BLK: variants seen among roughly 807,000 people sequenced by gnomAD.
The protein encoded by BLK is tyrosine-protein kinase Blk.
In BLK, 64 loss-of-function variants were observed where a neutral mutation model predicts 61.8. The ratio of observed to expected loss-of-function variants is 1.03; its 90% CI spans 0.85 to 1.27. The LOEUF (loss-of-function observed/expected upper bound fraction) is 1.27, where lower values mean the gene tolerates loss of function less well. Ranked by LOEUF, BLK falls within the 50% of genes most tolerant of loss-of-function variation. The pLI is 0.00. For missense variants in BLK, 853 were observed against 660.5 expected (o/e 1.29, Z -3.19); for synonymous variants, 351 against 272.0 (o/e 1.29, Z -2.86).
At chr8:11,530,897 C>G (rs970905098) in intron 1 of BLK, among the ~76,000 whole-genome samples, 7 of 152,220 alleles carry the variant, frequency 4.6e-5, no homozygotes, top group African/African-American at 1.7e-4. Flanking sequence ...AGTGAAATAT[C>G]TGGGTCACAG....
intron 1 of BLK, among the ~76,000 whole-genome samples, chr8:11,520,492 AAAAAAAAAAAGG>A (rs1799403893): frequency 6.7e-6 from 1 of 150,246 alleles, no homozygotes; most frequent in Non-Finnish European, 1.5e-5. Flanking sequence ...AAAAAAAAAA[AAAAAAAAAAAGG>A]AAGAAAGAAA....
At chr8:11,545,443 G>C (rs1305972728) in intron 2 of BLK, among the ~76,000 whole-genome samples, 1 of 152,172 alleles carries the variant, frequency 6.6e-6, no homozygotes, top group Non-Finnish European at 1.5e-5. Context: ...CAGCTACTTG[G>C]GAGGCTGAGG....
chr8:11,558,087 GC>G, intron 10 of BLK, 49 bp downstream of exon 10: 1 of 1,580,600 alleles, frequency 6.3e-7, no homozygotes, highest in South Asian at 1.1e-5. Flanking sequence ...GCCACCTGCT[GC>G]CCACAATGGC....
intron 9 of BLK, 91 bp from the exon 10 acceptor site, chr8:11,557,871 C>A: frequency 1.7e-6 from 2 of 1,154,250 alleles, no homozygotes; most frequent in Non-Finnish European, 1.3e-6. Flanking sequence ...ACTTCCCGCG[C>A]CCATGGGGAG....
At chr8:11,507,283 G>T (rs1306181763) in intron 1 of BLK, among the ~76,000 whole-genome samples, 2 of 152,230 alleles carry the variant, frequency 1.3e-5, no homozygotes, top group African/African-American at 4.8e-5. Flanking sequence ...GATGGACTAG[G>T]ATTGTAAAAG....
intron 1 of BLK, among the ~76,000 whole-genome samples, chr8:11,496,828 C>T (rs943865100): frequency 1.5e-4 from 23 of 152,096 alleles, no homozygotes; most frequent in Non-Finnish European, 1.6e-4. Context: ...GAGCTGGGCT[C>T]GACAGCCCTT....
chr8:11,563,049 C>T lies in BLK; in HGVS notation c.1251C>T (p.Asp417=), dbSNP rs772407720. The T allele has an allele frequency of 1.4e-5, 23 of 1,614,046 alleles. No homozygotes were observed. Among genetic ancestry groups the T allele is most frequent in the South Asian group, 8.8e-5 (8 of 91,092 alleles). The change falls in exon 12 of 13, where the codon GAC becomes GAT. Residue 417 remains aspartate, a synonymous_variant. Transcript: ENST00000259089. Reference sequence around the variant, plus strand: ...TCGGGGTCTTCACCATCAAAGCAGACGTGTGGTCGTTTGGAGTCCTCCTGA... The same window carrying T: ...TCGGGGTCTTCACCATCAAAGCAGATGTGTGGTCGTTTGGAGTCCTCCTGA... ...IHFGVFTIKA[D]VWSFGVLLME...
At chr8:11,556,540 C>T in intron 8 of BLK, 118 bp from the exon 9 acceptor site, 1 of 1,268,364 alleles carries the variant, frequency 7.9e-7, no homozygotes, top group Non-Finnish European at 1.1e-6. Flanking sequence ...ACTGCATGTT[C>T]CAGCTCTGGC....
In BLK at chr8:11,548,130, G is replaced by C. The variant is rs372425967; in HGVS notation, c.269+5G>C. ...GAAGCTACAGGTCCTGAAGGGGTGA[G>C]GTTCCAGGACACCATCCCCTGTCCC... is the stretch of plus-strand genomic sequence containing the variant. On this transcript the variant is annotated splice_donor_5th_base_variant and intron_variant, in intron 4 of 12. Transcript: ENST00000259089. The C allele has an allele frequency of 1.2e-6, 2 of 1,610,808 alleles. No homozygotes were observed. The highest frequency in any genetic ancestry group is 8.5e-7 in the Non-Finnish European group (1 of 1,178,150).
At chr8:11,541,876 T>A (rs1024459361) in intron 1 of BLK, among the ~76,000 whole-genome samples, 1 of 152,258 alleles carries the variant, frequency 6.6e-6, no homozygotes, top group African/African-American at 2.4e-5. Context: ...CCTGGCACTA[T>A]AATTCACTTA....
At chr8:11,504,194 CGA>C (rs1563420427) in intron 1 of BLK, among the ~76,000 whole-genome samples, 1 of 151,868 alleles carries the variant, frequency 6.6e-6, no homozygotes, top group East Asian at 1.9e-4. Flanking sequence ...TGGTGGTGTG[CGA>C]CTGTAATCCC....
chr8:11,520,056 C>T (rs1190363626), intron 1 of BLK, among the ~76,000 whole-genome samples: 3 of 152,102 alleles, frequency 2.0e-5, no homozygotes, highest in African/African-American at 7.2e-5. Context: ...CACACACAAA[C>T]CACAGATAAC....
At chr8:11,517,848 G>T (rs973948792) in intron 1 of BLK, among the ~76,000 whole-genome samples, 1 of 152,202 alleles carries the variant, frequency 6.6e-6, no homozygotes, top group Non-Finnish European at 1.5e-5. Flanking sequence ...GCTTGAACCT[G>T]AGTCAAGGGT....
chr8:11,540,100 G>A (rs1800310649), intron 1 of BLK, among the ~76,000 whole-genome samples: 1 of 151,896 alleles, frequency 6.6e-6, no homozygotes, highest in Non-Finnish European at 1.5e-5. Context: ...ATCTTTGTTA[G>A]TAGTTGTCTC....
At chr8:11,556,632 T>C in intron 8 of BLK, 26 bp from the exon 9 acceptor site, 3 of 1,613,998 alleles carry the variant, frequency 1.9e-6, no homozygotes, top group Non-Finnish European at 2.5e-6. Context: ...GTCTTCTGAT[T>C]GGCTTCTTCA....
At chr8:11,543,972 T>G (rs968408628) in intron 2 of BLK, among the ~76,000 whole-genome samples, 3 of 152,074 alleles carry the variant, frequency 2.0e-5, no homozygotes, top group African/African-American at 7.2e-5. Context: ...TGCATTTTTT[T>G]TTTTTTTTGA....
intron 8 of BLK, 71 bp downstream of exon 8, chr8:11,555,555 G>T: frequency 6.2e-7 from 1 of 1,604,274 alleles, no homozygotes; most frequent in Non-Finnish European, 8.5e-7. Flanking sequence ...TCCAGGTTCA[G>T]CATTTTCATA....
intron 1 of BLK, among the ~76,000 whole-genome samples, chr8:11,534,505 G>A (rs929972072): frequency 6.6e-6 from 1 of 152,080 alleles, no homozygotes; most frequent in Non-Finnish European, 1.5e-5. Flanking sequence ...TAGGTGACTC[G>A]ATAAACAAGT....
intron 1 of BLK, among the ~76,000 whole-genome samples, chr8:11,542,664 T>C (rs1039172682): frequency 3.3e-5 from 5 of 152,170 alleles, no homozygotes; most frequent in African/African-American, 1.2e-4. Context: ...CCCCTGATAT[T>C]ACTGTGAGGC....
Sources: allele counts gnomAD v4.1 joint callset (sites outside exome capture counted in the v4.1 genomes callset), GRCh38; gene constraint gnomAD v4.1.1; transcripts MANE v1.5; gene names NCBI Gene and HGNC (gene_info 2026-07-23, HGNC 2026-07-21).